The following RPP30 variants were observed in gnomAD, a reference collection of about 807,000 sequenced individuals.
RPP30 encodes ribonuclease P protein subunit p30.
Under a neutral mutation model 38.6 loss-of-function variants are expected in RPP30, and 36 were observed. The ratio of observed to expected loss-of-function variants is 0.93; its 90% CI spans 0.71 to 1.23. The LOEUF is 1.23. Ranked by LOEUF, RPP30 falls within the 50% of genes most tolerant of loss-of-function variation. The pLI is 0.00. For missense variants in RPP30, 321 were observed against 321.7 expected (o/e 1.00, Z 0.02); for synonymous variants, 126 against 112.7 (o/e 1.12, Z -0.75).
rs1847205598 is a variant in RPP30, at chr10:90,901,728, C to A, written c.*1049C>A. ...TTTATGCAATATTAATGTAAGGGCTCTAAAACAATGGAGTAGAGCCAGAGG... is the reference window on the plus strand; with the variant it reads ...TTTATGCAATATTAATGTAAGGGCTATAAAACAATGGAGTAGAGCCAGAGG... On this transcript the variant is annotated 3_prime_UTR_variant, in exon 11 of 11. Transcript: ENST00000371703. The A allele has an allele frequency of 1.0e-6, 1 of 984,240 alleles. No individual in the cohort carries two copies. The highest frequency in any genetic ancestry group is 6.2e-5 in the Admixed American group (1 of 16,242). The allele number at this position is 984,240 out of a possible 1,614,324, so 61.0% of individuals were successfully genotyped here. A position where few individuals can be genotyped will look rare whatever the true frequency, so the allele number is the denominator to read the frequency against.
At chr10:90,888,823 G>T (rs993741846) in intron 6 of RPP30, among the ~76,000 whole-genome samples, 8 of 152,094 alleles carry the variant, frequency 5.3e-5, no homozygotes, top group African/African-American at 1.9e-4. Flanking sequence ...AAAAAATTCT[G>T]TCAAGTGAGA....
At position 90,885,804 on chromosome 10, in the gene RPP30, C is replaced by T. The variant is rs767510303; in HGVS notation, c.343-8C>T. 1.2e-6 allele frequency: 2 copies of T among 1,600,754 alleles called. No homozygotes were observed. Among genetic ancestry groups the T allele is most frequent in the Admixed American group, 1.7e-5 (1 of 58,772 alleles). ...TTTTGGCCTTACCTATTTTTTTCTT[C>T]TTTACAGATTGCTTGCACACATTTA... On this transcript the variant is annotated splice_region_variant and splice_polypyrimidine_tract_variant and intron_variant, in intron 5 of 10. Coordinates refer to ENST00000371703, the MANE Select transcript of RPP30 (RefSeq NM_006413.5).
downstream of RPP30, among the ~76,000 whole-genome samples, chr10:90,907,649 A>G (rs191869856): frequency 2.6e-5 from 4 of 152,314 alleles, no homozygotes. Flanking sequence ...ACAAGTGCCA[A>G]ACATTTCTCA....
In RPP30 at chr10:90,874,855, T is replaced by G; in HGVS notation, c.83-14T>G. ...TGTTATATTTAACAAAAGTGTTCAA[T>G]TTTTCTTTTTCAGTTGGCTATTCAG... is the stretch of plus-strand genomic sequence containing the variant. On this transcript the variant is annotated splice_polypyrimidine_tract_variant and intron_variant, in intron 1 of 10. Transcript: ENST00000371703. 3 of 1,586,710 alleles carry G rather than the reference T, an allele frequency of 1.9e-6. No individual in the cohort carries two copies. Among genetic ancestry groups the G allele is most frequent in the Non-Finnish European group, 2.6e-6 (3 of 1,161,170 alleles).
chr10:90,879,691 T>C (rs538084067), intron 5 of RPP30, among the ~76,000 whole-genome samples: 2 of 152,252 alleles, frequency 1.3e-5, no homozygotes, highest in Non-Finnish European at 2.9e-5. Context: ...GAATTGAATT[T>C]CTTTTGTACT....
chr10:90,889,919 G>A (rs537891216), intron 6 of RPP30, among the ~76,000 whole-genome samples: 4 of 152,192 alleles, frequency 2.6e-5, no homozygotes, highest in Non-Finnish European at 5.9e-5. Context: ...TGTGATAGAT[G>A]TGTTTCTAAA....
In RPP30 at chr10:90,876,082, C is replaced by G. The variant is rs1846848300; in HGVS notation, c.254C>G (p.Ser85Cys). Residue 85 changes from serine to cysteine, a missense_variant, in exon 4 of 11, where the codon TCT becomes TGT. Coordinates refer to ENST00000371703, the MANE Select transcript of RPP30 (RefSeq NM_006413.5). ...TRLTIIVSDP[S>C]HCNVLRATSS... ...TTAACAATTATTGTCTCGGATCCAT[C>G]TCACTGCAATGTTTTGGTAAGTTAA... 6.4e-7 allele frequency: 1 copy of G among 1,573,238 alleles called. No individual in the cohort carries two copies. Among genetic ancestry groups the G allele is most frequent in the Non-Finnish European group, 8.7e-7 (1 of 1,143,314 alleles).
chr10:90,872,519 T>G (rs1846793582), intron 1 of RPP30, among the ~76,000 whole-genome samples: 1 of 152,004 alleles, frequency 6.6e-6, no homozygotes, highest in South Asian at 2.1e-4. Context: ...GGAACAATAC[T>G]ATCTAGACAG....
chr10:90,885,968 G>T, intron 6 of RPP30, 67 bp downstream of exon 6: 1 of 1,006,242 alleles, frequency 9.9e-7, no homozygotes. Context: ...AAAAGAAGCA[G>T]AAGAAATCAG....
rs745798259 is a variant in RPP30, at chr10:90,885,864, A to T, written c.395A>T (p.Lys132Ile). The T allele has an allele frequency of 1.2e-6, 2 of 1,610,712 alleles. No individual in the cohort carries two copies. The highest frequency in any genetic ancestry group is 2.2e-5 in the South Asian group (2 of 90,664). Residue 132 changes from lysine to isoleucine, a missense_variant, in exon 6 of 11, where the codon AAA becomes ATA. Transcript: ENST00000371703. ...VDLVCITVTEKLPFYFKRPPI... is the reference protein window; with the variant it reads ...VDLVCITVTEILPFYFKRPPI... ...TTAGTCTGCATAACTGTAACAGAGA[A>T]ACTACCATTTTACTTCAAAAGACCT...
intron 3 of RPP30, 142 bp downstream of exon 3, chr10:90,875,756 A>C (rs1253881907): frequency 1.4e-6 from 1 of 730,320 alleles, no homozygotes; most frequent in African/African-American, 1.8e-5. Context: ...GCTCTTCAGG[A>C]AACATTCTTT....
chr10:90,902,811 C>T (rs1053958199), downstream of RPP30, among the ~76,000 whole-genome samples: 5 of 152,174 alleles, frequency 3.3e-5, no homozygotes, highest in East Asian at 1.9e-4. Flanking sequence ...CTACTCATTC[C>T]TTCTGTAAAA....
chr10:90,875,611 A>T lies in RPP30; in HGVS notation c.192A>T (p.Val64=). ...AACTCTTCACAACTTTGCCAATTGT[A>T]CAGGTAGGTGTTTTGTTGTTTACGA... ...VSELFTTLPI[V]QGKSRPIKIL... is the part of the protein sequence containing the mutation. The change falls in exon 3 of 11, where the codon GTA becomes GTT. Residue 64 remains valine, a synonymous_variant. Coordinates refer to ENST00000371703, the MANE Select transcript of RPP30 (RefSeq NM_006413.5). The T allele has an allele frequency of 6.2e-7, 1 of 1,612,506 alleles. No homozygotes were observed. The highest frequency in any genetic ancestry group is 1.3e-5 in the African/African-American group (1 of 75,016).
At chr10:90,890,125 G>A (rs990538653) in intron 6 of RPP30, among the ~76,000 whole-genome samples, 1 of 152,122 alleles carries the variant, frequency 6.6e-6, no homozygotes, top group Non-Finnish European at 1.5e-5. Context: ...TCTCTCAAGG[G>A]GTTGACAAGG....
At chr10:90,879,428 T>A (rs1846895193) in intron 5 of RPP30, among the ~76,000 whole-genome samples, 1 of 152,226 alleles carries the variant, frequency 6.6e-6, no homozygotes, top group Non-Finnish European at 1.5e-5. Context: ...AGCTAAGTGT[T>A]GATCCATCTC....
chr10:90,902,420 A>G (rs1362555669), downstream of RPP30: 15 of 294,668 alleles, frequency 5.1e-5, no homozygotes, highest in Non-Finnish European at 6.9e-5. Context: ...GGGTTTTGCC[A>G]TGTCCAGGCT....
intron 1 of RPP30, among the ~76,000 whole-genome samples, chr10:90,872,482 G>A (rs1846792947): frequency 1.3e-5 from 2 of 152,148 alleles, no homozygotes; most frequent in South Asian, 2.1e-4. Context: ...GTGGAGGCTC[G>A]GAGAAGGAGG....
chr10:90,901,844 A>T lies in RPP30; in HGVS notation c.*1165A>T. 1.2e-5 allele frequency: 10 copies of T among 848,334 alleles called. No homozygotes were observed. The highest frequency in any genetic ancestry group is 1.9e-5 in the African/African-American group (1 of 52,530). 52.6% of individuals were successfully genotyped at this position (848,334 alleles called of 1,614,324 possible). The stretch of plus-strand genomic sequence containing the variant: ...CAATTTTTTTTTTTTTTTTTGAGAC[A>T]GTCTCGCTCTGTCCCCCAGGCTGGA... On this transcript the variant is annotated 3_prime_UTR_variant, in exon 11 of 11. Transcript: ENST00000371703.
chr10:90,881,649 GA>G (rs1564711566), intron 5 of RPP30, among the ~76,000 whole-genome samples: 1 of 152,150 alleles, frequency 6.6e-6, no homozygotes, highest in African/African-American at 2.4e-5. Flanking sequence ...TTTTCTATAG[GA>G]AATCAATTTT....
Sources: gnomAD v4.1 joint callset for allele counts (sites outside exome capture counted in the v4.1 genomes callset) on GRCh38, gnomAD v4.1.1 for gene constraint, MANE v1.5 for transcripts, NCBI Gene and HGNC (gene_info 2026-07-23, HGNC 2026-07-21) for gene names.